BCL2L13: variants seen among roughly 807,000 people sequenced by gnomAD.
The protein encoded by BCL2L13 is bcl-2-like protein 13.
Under a neutral mutation model 25.8 loss-of-function variants are expected in BCL2L13, and 13 were observed. The ratio of observed to expected loss-of-function variants is 0.50; its 90% CI spans 0.33 to 0.80. The LOEUF is 0.80. Ranked by LOEUF, BCL2L13 falls within the 30% of genes least tolerant of loss-of-function variation. The pLI is 0.02. For synonymous variants in BCL2L13, 244 were observed against 230.3 expected (o/e 1.06, Z -0.54); for missense variants, 504 against 574.9 (o/e 0.88, Z 1.26).
At chr22:17,692,867 A>T (rs988699959) in intron 4 of BCL2L13, among the ~76,000 whole-genome samples, 1 of 152,250 alleles carries the variant, frequency 6.6e-6, no homozygotes, top group Non-Finnish European at 1.5e-5. Context: ...TTAGCCCAGT[A>T]CATCTAAAAT....
chr22:17,715,165 TA>T, intron 6 of BCL2L13, among the ~76,000 whole-genome samples: 1 of 5,574 alleles, frequency 1.8e-4, no homozygotes, highest in Non-Finnish European at 3.0e-4. Context: ...TATATATATA[TA>T]TATATTTTTT....
chr22:17,666,761 A>G (rs1183288388), intron 2 of BCL2L13, among the ~76,000 whole-genome samples: 1 of 151,350 alleles, frequency 6.6e-6, no homozygotes, highest in Non-Finnish European at 1.5e-5. Context: ...AGCTCACTGA[A>G]ACCTTTGCCT....
At position 17,659,774 on chromosome 22, in the gene BCL2L13, T is replaced by C. The variant is rs191686824; in HGVS notation, c.121+3942T>C. 1.1e-4 allele frequency among the ~76,000 whole-genome samples: 15 copies of C among 139,490 alleles called. No individual in the cohort carries two copies. The East Asian group carries it at 2.9e-3, about 27-fold the overall frequency. 91.5% of individuals were successfully genotyped at this position (139,490 alleles called of 152,430 possible). A position where few individuals can be genotyped will look rare whatever the true frequency, so the allele number is the denominator to read the frequency against. ...GAAGAGGTGAGCATGATAATAATGA[T>C]ACTCCACTACAGCTTTATATGAAAA... On this transcript the variant is annotated intron_variant, in intron 2 of 6. Transcript: ENST00000317582.
At chr22:17,699,405 G>C (rs2060364436) in intron 5 of BCL2L13, among the ~76,000 whole-genome samples, 1 of 152,022 alleles carries the variant, frequency 6.6e-6, no homozygotes. Context: ...TTTAATAAAA[G>C]GATAATGTCC....
intron 6 of BCL2L13, chr22:17,706,516 C>T (rs2060595697): frequency 1.2e-5 from 3 of 254,176 alleles, no homozygotes; most frequent in Admixed American, 1.3e-4. Flanking sequence ...TTCTCTGTCT[C>T]ACAAAAATAA....
chr22:17,669,770 A>G (rs955879718), intron 2 of BCL2L13, among the ~76,000 whole-genome samples: 1 of 152,232 alleles, frequency 6.6e-6, no homozygotes, highest in Non-Finnish European at 1.5e-5. Flanking sequence ...TAGAAGAGGA[A>G]GAGAGACCTG....
chr22:17,703,982 A>C (rs566266658), intron 6 of BCL2L13, among the ~76,000 whole-genome samples: 21 of 152,238 alleles, frequency 1.4e-4, no homozygotes, highest in Non-Finnish European at 2.5e-4. Flanking sequence ...GTAGTACATC[A>C]AGGTTTGTTT....
At chr22:17,642,703 C>T (rs1438897593) in intron 1 of BCL2L13, among the ~76,000 whole-genome samples, 2 of 151,912 alleles carry the variant, frequency 1.3e-5, no homozygotes, top group African/African-American at 4.8e-5. Flanking sequence ...AAGCGATTCT[C>T]CTGCCTCAGC....
chr22:17,714,570 C>T (rs867572719), intron 6 of BCL2L13, among the ~76,000 whole-genome samples: 1 of 152,110 alleles, frequency 6.6e-6, no homozygotes, highest in East Asian at 1.9e-4. Context: ...AGCAAGGATT[C>T]GTTAGATCAG....
chr22:17,640,014 G>A (rs897525705), intron 1 of BCL2L13, among the ~76,000 whole-genome samples: 13 of 152,032 alleles, frequency 8.6e-5, no homozygotes, highest in Admixed American at 3.3e-4. Flanking sequence ...GCCACCACGC[G>A]GGGCTAATTT....
chr22:17,683,357 ATTGTGT>A (rs751599721), intron 3 of BCL2L13, 36 bp downstream of exon 3: 2 of 1,248,758 alleles, frequency 1.6e-6, no homozygotes, highest in Non-Finnish European at 2.3e-6. Context: ...TAATAAGCAG[ATTGTGT>A]TTGTTATGGT....
At chr22:17,725,516 G>T (rs1026608420) in intron 6 of BCL2L13, among the ~76,000 whole-genome samples, 1 of 152,178 alleles carries the variant, frequency 6.6e-6, no homozygotes, top group African/African-American at 2.4e-5. Context: ...TCTACCCAAA[G>T]AGGTCTTTTT....
chr22:17,654,378 T>C (rs2920520), intron 1 of BCL2L13, among the ~76,000 whole-genome samples: 129,081 of 151,898 alleles, frequency 0.85, 54,947 homozygotes, highest in East Asian at 0.94. Context: ...GCTGGGATTA[T>C]GGGTATGAGC....
At chr22:17,695,431 C>T (rs1350575953) in intron 4 of BCL2L13, among the ~76,000 whole-genome samples, 1 of 152,148 alleles carries the variant, frequency 6.6e-6, no homozygotes, top group Non-Finnish European at 1.5e-5. Context: ...AAGCGATTCC[C>T]CTGCCTTAGC....
At chr22:17,664,331 C>T (rs1210198846) in intron 2 of BCL2L13, among the ~76,000 whole-genome samples, 7 of 152,220 alleles carry the variant, frequency 4.6e-5, no homozygotes, top group African/African-American at 1.7e-4. Flanking sequence ...CTCCATGTCT[C>T]ACATCCAGGT....
chr22:17,689,218 G>C, intron 4 of BCL2L13, 76 bp downstream of exon 4: 1 of 1,379,736 alleles, frequency 7.2e-7, no homozygotes, highest in Non-Finnish European at 9.8e-7. Flanking sequence ...GATTGGTTAG[G>C]GCTGTGTTTT....
At chr22:17,668,416 A>G (rs2059306273) in intron 2 of BCL2L13, among the ~76,000 whole-genome samples, 1 of 149,442 alleles carries the variant, frequency 6.7e-6, no homozygotes, top group Non-Finnish European at 1.5e-5. Flanking sequence ...TGAGAATTTT[A>G]TAGTTTTAGC....
At chr22:17,649,148 G>A (rs984774468) in intron 1 of BCL2L13, among the ~76,000 whole-genome samples, 2 of 151,912 alleles carry the variant, frequency 1.3e-5, no homozygotes, top group Non-Finnish European at 2.9e-5. Flanking sequence ...CACGCAGGCT[G>A]GAGTGCAGGT....
chr22:17,722,257 C>A (rs1244640216), intron 6 of BCL2L13, among the ~76,000 whole-genome samples: 1 of 151,886 alleles, frequency 6.6e-6, no homozygotes, highest in Non-Finnish European at 1.5e-5. Flanking sequence ...GAGACAAGAT[C>A]TTGCTCTGTC....
Sources: allele counts gnomAD v4.1 joint callset (sites outside exome capture counted in the v4.1 genomes callset), GRCh38; gene constraint gnomAD v4.1.1; transcripts MANE v1.5; gene names NCBI Gene and HGNC (gene_info 2026-07-23, HGNC 2026-07-21).